The following PAFAH1B1 variants were observed in gnomAD, a reference collection of about 807,000 sequenced individuals.
PAFAH1B1 encodes the protein platelet-activating factor acetylhydrolase IB subunit beta.
In PAFAH1B1, 2 loss-of-function variants were observed where a neutral mutation model predicts 57.5. The observed-to-expected ratio is 0.03, with a 90% confidence interval of 0.01 to 0.11. The LOEUF is 0.11. Among genes scored for constraint, PAFAH1B1 ranks in the 10% least tolerant of loss-of-function variants. The pLI, the probability that PAFAH1B1 is intolerant of heterozygous loss-of-function variation, is 1.00. For synonymous variants in PAFAH1B1, 152 were observed against 169.6 expected (o/e 0.90, Z 0.81); for missense variants, 257 against 512.0 (o/e 0.50, Z 4.81).
At chr17:2,618,504 G>A (rs1464648121) in intron 1 of PAFAH1B1, among the ~76,000 whole-genome samples, 2 of 152,030 alleles carry the variant, frequency 1.3e-5, no homozygotes, top group African/African-American at 2.4e-5. Flanking sequence ...GTCCTTCTAT[G>A]TAATCTCATG....
intron 2 of PAFAH1B1, chr17:2,640,447 T>C (rs2068681337): frequency 6.7e-6 from 1 of 150,142 alleles, no homozygotes; most frequent in Non-Finnish European, 1.5e-5. Flanking sequence ...TTTCTCATAT[T>C]GTCCTTTTTT....
rs768437076 is a variant in PAFAH1B1, at chr17:2,666,038, A to G, written c.140A>G (p.Tyr47Cys). The change falls in exon 4 of 11, where the codon TAT (tyrosine) becomes TGT (cysteine). Residue 47 changes from tyrosine (Y) to cysteine (C), a missense_variant. By Grantham distance (194) the Tyr-to-Cys change is radical. Transcript: ENST00000397195. ...TAGAATGAAGAATTAGATAAAAAGT[A>G]TGCTGGTCTTTTGGAAAAAAAATGG... ...LDVNEELDKK[Y>C]AGLLEKKWTS... 1.3e-6 allele frequency: 2 copies of G among 1,521,454 alleles called. No homozygotes were observed. Among genetic ancestry groups the G allele is most frequent in the Non-Finnish European group, 1.8e-6 (2 of 1,112,746 alleles). 94.2% of individuals were successfully genotyped at this position (1,521,454 alleles called of 1,614,324 possible).
intron 1 of PAFAH1B1, among the ~76,000 whole-genome samples, chr17:2,597,234 C>A (rs2068092900): frequency 6.6e-6 from 1 of 151,972 alleles, no homozygotes; most frequent in Non-Finnish European, 1.5e-5. Context: ...TAAAATTATT[C>A]ATAGTTCTGT....
At chr17:2,634,686 T>C (rs1293118992) in intron 1 of PAFAH1B1, among the ~76,000 whole-genome samples, 1 of 152,158 alleles carries the variant, frequency 6.6e-6, no homozygotes, top group Non-Finnish European at 1.5e-5. Flanking sequence ...TAAAATCTTA[T>C]CTAATGGCTC....
chr17:2,648,562 C>T (rs1448498303), intron 2 of PAFAH1B1, among the ~76,000 whole-genome samples: 1 of 151,632 alleles, frequency 6.6e-6, no homozygotes, highest in East Asian at 1.9e-4. Context: ...CCTGTAGCCC[C>T]AGCTAATTGG....
At chr17:2,666,276 C>T (rs1001407677) in intron 4 of PAFAH1B1, among the ~76,000 whole-genome samples, 186 bp downstream of exon 4, 4 of 152,066 alleles carry the variant, frequency 2.6e-5, no homozygotes, top group Admixed American at 6.6e-5. Context: ...ATTCACATAT[C>T]TGGAGTTGCT....
rs192605340 is a variant in PAFAH1B1, at chr17:2,637,793, A to G, written c.-190-306A>G. 2.8e-4 allele frequency among the ~76,000 whole-genome samples: 42 copies of G among 152,298 alleles called. No individual in the cohort carries two copies. The East Asian group carries it at 5.0e-3, about 18-fold the overall frequency. ...CTTTTTGTCTCTAAGAGAGAATTACATTCGTTTAGAGTTACATGTTAATAT... is the reference window on the plus strand; with the variant it reads ...CTTTTTGTCTCTAAGAGAGAATTACGTTCGTTTAGAGTTACATGTTAATAT... On this transcript the variant is annotated intron_variant, in intron 1 of 10. Coordinates refer to ENST00000397195, the MANE Select transcript of PAFAH1B1 (RefSeq NM_000430.4).
chr17:2,666,621 A>G (rs1047519308), intron 4 of PAFAH1B1, among the ~76,000 whole-genome samples: 3 of 152,158 alleles, frequency 2.0e-5, no homozygotes, highest in African/African-American at 7.2e-5. Context: ...TATTATTATT[A>G]CCATATATAA....
chr17:2,635,954 A>C (rs1331631622), intron 1 of PAFAH1B1, among the ~76,000 whole-genome samples: 1 of 86,540 alleles, frequency 1.2e-5, no homozygotes, highest in Non-Finnish European at 2.3e-5. Context: ...AGAAAAATAC[A>C]AAAAAAAAAA....
At chr17:2,599,187 A>G (rs1242856957) in intron 1 of PAFAH1B1, among the ~76,000 whole-genome samples, 1 of 152,204 alleles carries the variant, frequency 6.6e-6, no homozygotes, top group African/African-American at 2.4e-5. Flanking sequence ...TTCTTCTGCC[A>G]GCTACTTTTT....
rs894347799 is a variant in PAFAH1B1, at chr17:2,593,895, C to G, written c.-302C>G. On this transcript the variant is annotated 5_prime_UTR_variant, in exon 1 of 11. Coordinates refer to ENST00000397195, the MANE Select transcript of PAFAH1B1 (RefSeq NM_000430.4). ...CCGGGCCCAGCGCGCCATCCTCCCC[C>G]CTCCTTCCCTCCCTCCCTCCTTCCT... 2.0e-5 allele frequency: 7 copies of G among 355,104 alleles called. No homozygotes were observed. Among genetic ancestry groups the G allele is most frequent in the Admixed American group, 1.9e-4 (4 of 21,324 alleles). 22.0% of individuals were successfully genotyped at this position (355,104 alleles called of 1,614,324 possible).
chr17:2,601,846 C>T (rs1304111185), intron 1 of PAFAH1B1, among the ~76,000 whole-genome samples: 1 of 152,216 alleles, frequency 6.6e-6, no homozygotes, highest in Non-Finnish European at 1.5e-5. Flanking sequence ...CTCACCTTTA[C>T]CTCCCAATGT....
chr17:2,617,941 G>A (rs1312195348), intron 1 of PAFAH1B1, among the ~76,000 whole-genome samples: 1 of 144,732 alleles, frequency 6.9e-6, no homozygotes, highest in Non-Finnish European at 1.5e-5. Context: ...AAAACGTCTC[G>A]GTATTGGATT....
intron 2 of PAFAH1B1, among the ~76,000 whole-genome samples, chr17:2,663,729 ACT>A (rs1423140896): frequency 6.9e-6 from 1 of 145,226 alleles, no homozygotes; most frequent in African/African-American, 2.6e-5. Context: ...ACAGAGTTTC[ACT>A]CTGTTTCCCA....
At chr17:2,646,726 G>T (rs376056906) in intron 2 of PAFAH1B1, among the ~76,000 whole-genome samples, 3 of 152,102 alleles carry the variant, frequency 2.0e-5, no homozygotes, top group East Asian at 3.8e-4. Context: ...TGATAACATT[G>T]GTTCAAGAAA....
intron 1 of PAFAH1B1, among the ~76,000 whole-genome samples, chr17:2,602,954 A>G (rs2068161975): frequency 6.6e-6 from 1 of 152,156 alleles, no homozygotes; most frequent in Admixed American, 6.5e-5. Context: ...TCTTTCCTAT[A>G]GTCCACATAC....
At chr17:2,668,319 C>G (rs2069135743) in intron 5 of PAFAH1B1, among the ~76,000 whole-genome samples, 1 of 148,438 alleles carries the variant, frequency 6.7e-6, no homozygotes, top group South Asian at 2.1e-4. Context: ...GCGAGACTGT[C>G]TCAAAAAGGT....
intron 5 of PAFAH1B1, among the ~76,000 whole-genome samples, chr17:2,669,049 ATAAAG>A (rs2151662957): frequency 6.6e-6 from 1 of 152,212 alleles, no homozygotes; most frequent in South Asian, 2.1e-4. Flanking sequence ...TAAGATTTTG[ATAAAG>A]TAGTCATTCT....
chr17:2,649,337 C>T (rs1240133062), intron 2 of PAFAH1B1, among the ~76,000 whole-genome samples: 1 of 151,996 alleles, frequency 6.6e-6, no homozygotes, highest in African/African-American at 2.4e-5. Context: ...TTTTGGAAGG[C>T]CGAGGCGGGT....
Sources: gnomAD v4.1 joint callset for allele counts (sites outside exome capture counted in the v4.1 genomes callset) on GRCh38, gnomAD v4.1.1 for gene constraint, MANE v1.5 for transcripts, NCBI Gene and HGNC (gene_info 2026-07-23, HGNC 2026-07-21) for gene names.